NCOR1: variants seen among roughly 807,000 people sequenced by gnomAD.
NCOR1 encodes protein phosphatase 1, regulatory subunit 109.
A neutral mutation model predicts 288.1 loss-of-function variants in NCOR1; 63 were observed. The observed-to-expected ratio is 0.22, with a 90% CI of 0.18 to 0.27. The LOEUF is 0.27. Among genes scored for constraint, NCOR1 ranks in the 10% least tolerant of loss-of-function variants. The pLI is 1.00. For synonymous variants in NCOR1, 1,007 were observed against 1,065.9 expected, an observed-to-expected ratio of 0.94 and a Z score of 1.08; for missense variants, 2,397 against 3,019.2, an observed-to-expected ratio of 0.79 and a Z score of 4.83.
intron 3 of NCOR1, among the ~76,000 whole-genome samples, chr17:16,179,838 A>G (rs962676024): frequency 2.6e-5 from 4 of 152,082 alleles, no homozygotes; most frequent in Non-Finnish European, 5.9e-5. Flanking sequence ...ACACAGTGAA[A>G]CCGTGTCTCT....
intron 3 of NCOR1, among the ~76,000 whole-genome samples, chr17:16,175,149 T>C (rs1250262235): frequency 6.6e-6 from 1 of 152,062 alleles, no homozygotes; most frequent in East Asian, 1.9e-4. Flanking sequence ...AGTGCATCAC[T>C]TGAGGTCAGG....
rs1046077354 is a variant in NCOR1, at chr17:16,215,334, G to A, written c.-71+28C>T. 1.8e-5 allele frequency: 7 copies of A among 391,828 alleles called. No homozygotes were observed. The South Asian group carries it at 9.9e-4, about 55-fold the overall frequency. The allele number at this position is 391,828 out of a possible 1,614,324, so 24.3% of individuals were successfully genotyped here. A position where few individuals can be genotyped will look rare whatever the true frequency, so the allele number is the denominator to read the frequency against. On this transcript the variant is annotated intron_variant, in intron 1 of 45. Transcript: ENST00000268712. ...CCGGACTAGCAGGAGCCCGGAGGCC[G>A]GGGTTGCAGGCGCCAGGGCCTACTC...
At chr17:16,097,526 A>C (rs953985299) in intron 21 of NCOR1, among the ~76,000 whole-genome samples, 2 of 151,868 alleles carry the variant, frequency 1.3e-5, no homozygotes, top group African/African-American at 4.8e-5. Context: ...CTTCATAAAA[A>C]CCCCAAATGA....
At chr17:16,196,829 AAAAAAAAAAAAGAAAAG>A (rs900645791) in intron 1 of NCOR1, among the ~76,000 whole-genome samples, 2 of 150,434 alleles carry the variant, frequency 1.3e-5, no homozygotes, top group South Asian at 2.1e-4. Flanking sequence ...TGTCTCAAAA[AAAAAAAAAAAAGAAAAG>A]AAAAAAAAAA....
In NCOR1 at chr17:16,139,190, GA is replaced by G. The variant is rs749663101; in HGVS notation, c.1174-5del. 4.4e-6 allele frequency: 7 copies of G among 1,600,838 alleles called. No homozygotes were observed. Among genetic ancestry groups the G allele is most frequent in the South Asian group, 2.2e-5 (2 of 89,064 alleles). ...GCCGCATTTGTTTCTCATTATTCTG[GA>G]AAAAAAATACAATTTACTTAGAATA... On this transcript the variant is annotated splice_region_variant and splice_polypyrimidine_tract_variant and intron_variant, in intron 11 of 45. Coordinates refer to ENST00000268712, the MANE Select transcript of NCOR1 (RefSeq NM_006311.4).
Position 16,064,798 on chromosome 17 carries a change from C to T in NCOR1, c.5101+72G>A, listed in dbSNP as rs775641607. On this transcript the variant is annotated intron_variant, in intron 34 of 45. Transcript: ENST00000268712. ...AATGAGGAAAAATTGCCCAAGATAC[C>T]TTAAAAGGCTATGTTGTAAAAATGT... 5 of 1,405,056 alleles carry T rather than the reference C, an allele frequency of 3.6e-6. No individual in the cohort carries two copies. In the Admixed American group the frequency reaches 1.2e-4, roughly 35 times the overall value. 87.0% of individuals were successfully genotyped at this position (1,405,056 alleles called of 1,614,324 possible). A position where few individuals can be genotyped will look rare whatever the true frequency, so the allele number is the denominator to read the frequency against.
chr17:16,103,389 A>C (rs7219263), intron 19 of NCOR1, among the ~76,000 whole-genome samples: 12,626 of 152,242 alleles, frequency 0.083, 1,013 homozygotes, highest in African/African-American at 0.21. Context: ...ACCATTCTTT[A>C]CAACAAAGAT....
At chr17:16,091,590 A>G (rs1003668988) in intron 22 of NCOR1, 3 of 1,280,112 alleles carry the variant, frequency 2.3e-6, no homozygotes, top group Non-Finnish European at 3.0e-6. Context: ...ATAAAGCATA[A>G]CTTTATTTAT....
Position 16,098,439 on chromosome 17 carries a change from G to C in NCOR1, c.2748C>G (p.Val916=), listed in dbSNP as rs1480079828. Residue 916 remains valine (V), a synonymous_variant, in exon 21 of 46, where the codon GTC becomes GTG. Transcript: ENST00000268712. ...GTGGATTTGGTTTTAACGGAGATGA[G>C]ACGAGTATAGATCCAGTGGGGTTTA... ...SLLNPTGSIL[V]SSPLKPNPLD... The C allele has an allele frequency of 6.2e-7, 1 of 1,613,830 alleles. No homozygotes were observed. Among genetic ancestry groups the C allele is most frequent in the African/African-American group, 1.3e-5 (1 of 74,916 alleles).
At chr17:16,040,342 T>G (rs1297147221) in intron 43 of NCOR1, 99 bp downstream of exon 43, 2 of 972,608 alleles carry the variant, frequency 2.1e-6, no homozygotes, top group Non-Finnish European at 3.3e-6. Flanking sequence ...ATTAGAGCAG[T>G]CACTCCCCTG....
chr17:16,109,859 G>A (rs537784836), intron 18 of NCOR1, among the ~76,000 whole-genome samples: 63 of 152,040 alleles, frequency 4.1e-4, no homozygotes, highest in Admixed American at 3.3e-3. Context: ...TCAGCCTCCC[G>A]AATAGTTGGA....
At chr17:16,183,712 G>T (rs1488980520) in intron 3 of NCOR1, among the ~76,000 whole-genome samples, 1 of 151,836 alleles carries the variant, frequency 6.6e-6, no homozygotes, top group African/African-American at 2.4e-5. Flanking sequence ...ATCCCAATGG[G>T]GTTTTTCACA....
At chr17:16,167,385 C>CA (rs79451211) in intron 4 of NCOR1, among the ~76,000 whole-genome samples, 49 of 140,600 alleles carry the variant, frequency 3.5e-4, no homozygotes, top group South Asian at 6.7e-4. Context: ...TATCTTACAT[C>CA]AAAAAAAAAA....
intron 1 of NCOR1, among the ~76,000 whole-genome samples, chr17:16,207,684 T>C (rs924452303): frequency 5.6e-5 from 8 of 142,932 alleles, no homozygotes; most frequent in Non-Finnish European, 1.2e-4. Flanking sequence ...GAGCTTGCAA[T>C]GAGCCGAGAC....
chr17:16,062,337 G>A (rs1287570321), intron 35 of NCOR1, 67 bp from the exon 36 acceptor site: 2 of 1,442,672 alleles, frequency 1.4e-6, no homozygotes, highest in East Asian at 4.8e-5. Flanking sequence ...AGGAAGCAAT[G>A]CTTATGGATT....
chr17:16,087,201 A>T, intron 22 of NCOR1: 1 of 1,304,220 alleles, frequency 7.7e-7, no homozygotes, highest in Non-Finnish European at 1.0e-6. Context: ...GGCTGCACTC[A>T]TATCAGGCTG....
At chr17:16,058,976 G>C (rs1003653896) in intron 37 of NCOR1, among the ~76,000 whole-genome samples, 2 of 150,314 alleles carry the variant, frequency 1.3e-5, no homozygotes, top group Admixed American at 6.7e-5. Flanking sequence ...TTGAACCCGG[G>C]AGGCGGAGGT....
intron 1 of NCOR1, among the ~76,000 whole-genome samples, chr17:16,199,450 C>T (rs1244766078): frequency 6.6e-6 from 1 of 152,052 alleles, no homozygotes; most frequent in Admixed American, 6.6e-5. Context: ...GCTAAATGTA[C>T]AAAAGATACA....
chr17:16,186,681 C>T lies in NCOR1; in HGVS notation c.115G>A (p.Ala39Thr), dbSNP rs150859090. ...TGAGAGGAACGATAATCAGGGACTGCGAACTCCTAGTATTAAAATAATCAT... is the reference window on the plus strand; with the variant it reads ...TGAGAGGAACGATAATCAGGGACTGTGAACTCCTAGTATTAAAATAATCAT... ...FPNTRHQQEF[A>T]VPDYRSSHLE... The change falls in exon 3 of 46, where the codon GCA becomes ACA. Residue 39 changes from alanine to threonine, a missense_variant. Ala to Thr is a moderately conservative substitution (Grantham distance 58). Around this residue, in one of 11 missense-constraint regions of NCOR1, gnomAD observed 55 missense variants for 69.6 expected, o/e 0.79. Coordinates refer to ENST00000268712, the MANE Select transcript of NCOR1 (RefSeq NM_006311.4). The T allele has an allele frequency of 6.0e-5, 97 of 1,611,302 alleles. No homozygotes were observed. The highest frequency in any genetic ancestry group is 5.5e-4 in the African/African-American group (41 of 74,900).
Sources: gnomAD v4.1 joint callset for allele counts (sites outside exome capture counted in the v4.1 genomes callset) on GRCh38, gnomAD v4.1.1 for gene constraint, gnomAD v4.1.1 regional missense constraint, MANE v1.5 for transcripts, NCBI Gene and HGNC (gene_info 2026-07-23, HGNC 2026-07-21) for gene names.